Variants in SRSF12 observed in about 807,000 individuals in gnomAD.
SRSF12 encodes the protein serine and arginine rich splicing factor 12, also known as serine/arginine-rich splicing factor 12.
A neutral mutation model predicts 34.1 loss-of-function variants in SRSF12; 21 were observed. That is an observed-to-expected ratio of 0.62 (90% CI 0.44 to 0.89). The LOEUF (loss-of-function observed/expected upper bound fraction) is 0.89, where lower values mean the gene tolerates loss of function less well. Ranked by LOEUF, SRSF12 falls within the 40% of genes least tolerant of loss-of-function variation. The pLI is 0.00. For missense variants in SRSF12, 278 were observed against 327.8 expected, an observed-to-expected ratio of 0.85 and a Z score of 1.17; for synonymous variants, 111 against 110.8, an observed-to-expected ratio of 1.00 and a Z score of -0.01.
At chr6:89,117,450 C>T (rs1379187081) in intron 1 of SRSF12, among the ~76,000 whole-genome samples, 1 of 152,180 alleles carries the variant, frequency 6.6e-6, no homozygotes, top group East Asian at 1.9e-4. Flanking sequence ...GACAAAGGAG[C>T]TGAAACGCGG....
intron 1 of SRSF12, among the ~76,000 whole-genome samples, chr6:89,117,547 C>T (rs1769363745): frequency 6.6e-6 from 1 of 152,186 alleles, no homozygotes; most frequent in African/African-American, 2.4e-5. Flanking sequence ...CACGGCCCGC[C>T]GGCTGCGGTG....
At chr6:89,099,385 GCT>G (rs1213727394) in intron 4 of SRSF12, among the ~76,000 whole-genome samples, 2 of 66,938 alleles carry the variant, frequency 3.0e-5, no homozygotes, top group African/African-American at 5.3e-5. Flanking sequence ...ATAGAAAACA[GCT>G]CTCTCTCTCT....
At chr6:89,115,673 G>C (rs1431078269) in intron 1 of SRSF12, among the ~76,000 whole-genome samples, 1 of 128,214 alleles carries the variant, frequency 7.8e-6, no homozygotes, top group Admixed American at 9.2e-5. Context: ...TCCTCGCTCT[G>C]TCTCCCAGGC....
chr6:89,114,515 T>G (rs939435735), intron 1 of SRSF12, among the ~76,000 whole-genome samples: 1 of 152,080 alleles, frequency 6.6e-6, no homozygotes, highest in African/African-American at 2.4e-5. Context: ...GTATGGCACC[T>G]AGTACACAGT....
chr6:89,115,762 G>A (rs377207190), intron 1 of SRSF12, among the ~76,000 whole-genome samples: 1 of 150,572 alleles, frequency 6.6e-6, no homozygotes, highest in East Asian at 2.0e-4. Context: ...TCAGCCTCCT[G>A]AGCAGCTGGG....
Position 89,105,467 on chromosome 6 carries a change from G to A in SRSF12, c.234C>T (p.Gly78=). ...LYNLNRKWVC[G]RQIEIQFAQG... is the part of the protein sequence containing the mutation. ...GTGCAAACTGTATTTCAATCTGACG[G>A]CCACATACCCACTTTCTATTGAGGT... Residue 78 remains glycine, a synonymous_variant, in exon 3 of 5, where the codon GGC becomes GGT. Transcript: ENST00000452027. The A allele has an allele frequency of 6.2e-7, 1 of 1,611,368 alleles. No homozygotes were observed. The highest frequency in any genetic ancestry group is 1.7e-5 in the Admixed American group (1 of 59,432).
At position 89,098,692 on chromosome 6, in the gene SRSF12, C is replaced by T. The variant is rs750276762; in HGVS notation, c.672G>A (p.Pro224=). The change falls in exon 5 of 5, where the codon CCG becomes CCA. Residue 224 remains proline (P), a synonymous_variant. Coordinates refer to ENST00000452027, the MANE Select transcript of SRSF12 (RefSeq NM_080743.5). ...GRHSDSIARS[P]CKSPKGYTNS... is the part of the protein sequence containing the mutation. The stretch of plus-strand genomic sequence containing the variant: ...TGGTATACCCTTTGGGAGATTTACA[C>T]GGGGATCTTGCTATTGAGTCAGAAT... 1.2e-5 allele frequency: 20 copies of T among 1,613,908 alleles called. No individual in the cohort carries two copies. Among genetic ancestry groups the T allele is most frequent in the Middle Eastern group, 1.6e-4 (1 of 6,062 alleles).
At chr6:89,114,987 G>A (rs575369398) in intron 1 of SRSF12, among the ~76,000 whole-genome samples, 67 of 152,006 alleles carry the variant, frequency 4.4e-4, no homozygotes, top group Admixed American at 2.8e-3. Flanking sequence ...TAGTAGAGAC[G>A]GTGTTTTACC....
intron 1 of SRSF12, among the ~76,000 whole-genome samples, chr6:89,114,222 G>A (rs990216172): frequency 3.9e-5 from 6 of 152,174 alleles, no homozygotes; most frequent in African/African-American, 1.4e-4. Flanking sequence ...GACATCAAGA[G>A]TTCGAGACCA....
At chr6:89,110,333 A>G (rs1241741039) in intron 1 of SRSF12, among the ~76,000 whole-genome samples, 1 of 152,190 alleles carries the variant, frequency 6.6e-6, no homozygotes, top group African/African-American at 2.4e-5. Context: ...CAAGCAAGCC[A>G]CTCAAGTGCA....
chr6:89,111,206 T>G (rs1261827654), intron 1 of SRSF12, among the ~76,000 whole-genome samples: 1 of 152,044 alleles, frequency 6.6e-6, no homozygotes, highest in Non-Finnish European at 1.5e-5. Context: ...CTTCCCAGGT[T>G]CAAGCTATTC....
chr6:89,096,659 C>T lies in SRSF12; in HGVS notation c.*1919G>A, dbSNP rs1006569059. Reference sequence around the variant, plus strand: ...CTAGTTATTATTTTTCACAATGGTACCTAGTTATTATTATTTTTATAGATA... The same window carrying T: ...CTAGTTATTATTTTTCACAATGGTATCTAGTTATTATTATTTTTATAGATA... On this transcript the variant is annotated 3_prime_UTR_variant, in exon 5 of 5. Coordinates refer to ENST00000452027, the MANE Select transcript of SRSF12 (RefSeq NM_080743.5). 1 of 149,992 alleles carries T rather than the reference C, an allele frequency of 6.7e-6. No individual in the cohort carries two copies. Among genetic ancestry groups the T allele is most frequent in the African/African-American group, 2.5e-5 (1 of 39,432 alleles). 9.3% of individuals were successfully genotyped at this position (149,992 alleles called of 1,614,324 possible).
chr6:89,096,202 TGTCA>T lies in SRSF12; in HGVS notation c.*2372_*2375del, dbSNP rs1768282651. On this transcript the variant is annotated 3_prime_UTR_variant, in exon 5 of 5. Transcript: ENST00000452027. ...ACATGATTTTAATAAAGCATATACC[TGTCA>T]AAGACTTCTCTTTGCAAAAGACATA... 6.6e-6 allele frequency: 1 copy of T among 152,230 alleles called. No individual in the cohort carries two copies. 9.4% of individuals were successfully genotyped at this position (152,230 alleles called of 1,614,324 possible). A position where few individuals can be genotyped will look rare whatever the true frequency, so the allele number is the denominator to read the frequency against.
intron 4 of SRSF12, among the ~76,000 whole-genome samples, chr6:89,104,913 C>T (rs752553562): frequency 1.3e-5 from 2 of 151,794 alleles, no homozygotes; most frequent in East Asian, 3.9e-4. Context: ...AAAATTAGCC[C>T]AGTGTGGTGG....
chr6:89,103,635 T>G (rs544559615), intron 4 of SRSF12, among the ~76,000 whole-genome samples: 2 of 152,094 alleles, frequency 1.3e-5, no homozygotes, highest in Admixed American at 6.6e-5. Context: ...CTGGCCTGAA[T>G]TTTTAGTAGA....
intron 4 of SRSF12, among the ~76,000 whole-genome samples, chr6:89,101,216 C>T (rs541069161): frequency 7.9e-5 from 12 of 151,634 alleles, no homozygotes; most frequent in African/African-American, 2.7e-4. Context: ...CCTAAAAGAA[C>T]ACAGCAGATG....
intron 1 of SRSF12, among the ~76,000 whole-genome samples, chr6:89,115,126 GTCTC>G (rs1306980470): frequency 1.3e-5 from 2 of 150,104 alleles, no homozygotes; most frequent in East Asian, 2.0e-4. Context: ...CTCTCTAAAG[GTCTC>G]TCTGTCACCC....
rs373177602 is a variant in SRSF12 at position 89,105,572 on chromosome 6, TA to T, written c.171-43del. 1.5e-5 allele frequency: 20 copies of T among 1,378,428 alleles called. No individual in the cohort carries two copies. In the African/African-American group the frequency reaches 2.9e-4, roughly 20 times the overall value. The allele number at this position is 1,378,428 out of a possible 1,614,324, so 85.4% of individuals were successfully genotyped here. A position where few individuals can be genotyped will look rare whatever the true frequency, so the allele number is the denominator to read the frequency against. ...GACACTTTGAACATGAGATATCAAG[TA>T]AACATATTTTAAAAGCATTATTTAC... On this transcript the variant is annotated intron_variant, in intron 2 of 4. Coordinates refer to ENST00000452027, the MANE Select transcript of SRSF12 (RefSeq NM_080743.5).
At position 89,096,103 on chromosome 6, in the gene SRSF12, T is replaced by C. The variant is rs1419526610; in HGVS notation, c.*2475A>G. 6.6e-6 allele frequency: 1 copy of C among 152,226 alleles called. No homozygotes were observed. Among genetic ancestry groups the C allele is most frequent in the Admixed American group, 6.5e-5 (1 of 15,286 alleles). 9.4% of individuals were successfully genotyped at this position (152,226 alleles called of 1,614,324 possible). On this transcript the variant is annotated 3_prime_UTR_variant, in exon 5 of 5. Coordinates refer to ENST00000452027, the MANE Select transcript of SRSF12 (RefSeq NM_080743.5). The stretch of plus-strand genomic sequence containing the variant: ...GATACCCAGCCAAACAATTTTCACC[T>C]AGTCACAAAAGTCATTTTCATCGAA...
Sources: allele counts gnomAD v4.1 joint callset (sites outside exome capture counted in the v4.1 genomes callset), GRCh38; gene constraint gnomAD v4.1.1; transcripts MANE v1.5; gene names NCBI Gene and HGNC (gene_info 2026-07-23, HGNC 2026-07-21).